Variants in SCGB2B2 observed in about 807,000 individuals in gnomAD.
The protein encoded by SCGB2B2 is secretoglobin-like protein.
Under a neutral mutation model 7.6 loss-of-function variants are expected in SCGB2B2, and 11 were observed. The observed-to-expected ratio is 1.45, with a 90% CI of 0.91 to 2.40. SCGB2B2 has a LOEUF of 2.40. Among genes scored for constraint, SCGB2B2 ranks in the 30% most tolerant of loss-of-function variants. SCGB2B2 has a pLI of 0.00. For missense variants in SCGB2B2, 104 were observed against 115.4 expected (o/e 0.90, Z 0.45); for synonymous variants, 50 against 48.6 (o/e 1.03, Z -0.12).
intron 1 of SCGB2B2, chr19:34,638,050 A>T (rs1439057635): frequency 6.6e-6 from 1 of 152,254 alleles, no homozygotes; most frequent in African/African-American, 2.4e-5. Flanking sequence ...TTGACAAGTT[A>T]TAAAGTAGTT....
intron 1 of SCGB2B2, among the ~76,000 whole-genome samples, chr19:34,670,464 C>T (rs1047806986): frequency 2.6e-5 from 4 of 152,210 alleles, no homozygotes; most frequent in East Asian, 1.9e-4. Flanking sequence ...TATTTCTCTG[C>T]GATTTTACTT....
intron 1 of SCGB2B2, among the ~76,000 whole-genome samples, chr19:34,650,989 T>A (rs2067148625): frequency 6.6e-6 from 1 of 151,218 alleles, no homozygotes; most frequent in South Asian, 2.1e-4. Flanking sequence ...ACCAACAGAA[T>A]GAGTACAAGA....
At chr19:34,641,211 T>TA (rs2066830892) in intron 1 of SCGB2B2, among the ~76,000 whole-genome samples, 2 of 152,048 alleles carry the variant, frequency 1.3e-5, no homozygotes, top group African/African-American at 2.4e-5. Context: ...GGTCTCTTGG[T>TA]ATTATTTTCT....
At chr19:34,645,181 C>A (rs2066962735) in intron 1 of SCGB2B2, among the ~76,000 whole-genome samples, 1 of 152,160 alleles carries the variant, frequency 6.6e-6, no homozygotes, top group Admixed American at 6.5e-5. Context: ...GACAAACTCA[C>A]TTAGCAAATG....
chr19:34,618,006 G>A (rs1333691143), intron 1 of SCGB2B2, among the ~76,000 whole-genome samples: 1 of 152,210 alleles, frequency 6.6e-6, no homozygotes, highest in Non-Finnish European at 1.5e-5. Context: ...CACGGTGCGT[G>A]CACCCACTGA....
intron 1 of SCGB2B2, among the ~76,000 whole-genome samples, chr19:34,668,033 C>T (rs1478140524): frequency 2.0e-5 from 3 of 152,148 alleles, no homozygotes. Context: ...AGCATGCTGG[C>T]GGCCCTCGCA....
intron 1 of SCGB2B2, among the ~76,000 whole-genome samples, chr19:34,658,813 C>CAAAAA (rs138363297): frequency 1.5e-4 from 15 of 101,982 alleles, no homozygotes; most frequent in African/African-American, 6.3e-4. Context: ...ACAACAACAA[C>CAAAAA]AAAAAAAAAA....
rs569245954 is a variant in SCGB2B2 at position 34,625,628 on chromosome 19, G to A, written c.-2031-29034C>T. On this transcript the variant is annotated intron_variant, in intron 1 of 3. Coordinates refer to ENST00000601241, the MANE Select transcript of SCGB2B2 (RefSeq NM_001025591.4). Reference sequence around the variant, plus strand: ...GGTAAACAAAGCAGCCAGGAAGCTCGAACTGGGTGGAGCCCAACACAGCTC... The same window carrying A: ...GGTAAACAAAGCAGCCAGGAAGCTCAAACTGGGTGGAGCCCAACACAGCTC... 2.8e-4 allele frequency among the ~76,000 whole-genome samples: 43 copies of A among 152,318 alleles called. 1 individual carries two copies. Among genetic ancestry groups the A allele is most frequent in the Non-Finnish European group, 4.4e-5 (3 of 68,028 alleles).
intron 1 of SCGB2B2, among the ~76,000 whole-genome samples, chr19:34,614,574 G>A (rs937557251): frequency 6.6e-6 from 1 of 152,108 alleles, no homozygotes; most frequent in Non-Finnish European, 1.5e-5. Flanking sequence ...CTTAAGATTA[G>A]TAGTTTGAAT....
downstream of SCGB2B2, among the ~76,000 whole-genome samples, chr19:34,590,365 CCATCCATCCATCCGTT>C (rs1394273395): frequency 6.9e-6 from 1 of 144,752 alleles, no homozygotes; most frequent in Non-Finnish European, 1.5e-5. Context: ...ATCCATCCAT[CCATCCATCCATCCGTT>C]CATCCATCCA....
intron 1 of SCGB2B2, among the ~76,000 whole-genome samples, chr19:34,665,166 C>T (rs909000818): frequency 2.6e-5 from 4 of 152,304 alleles, no homozygotes; most frequent in Non-Finnish European, 4.4e-5. Context: ...GCAGGCCTTG[C>T]GTCCCTCCTG....
chr19:34,609,458 A>T (rs529552411), intron 1 of SCGB2B2, among the ~76,000 whole-genome samples: 28 of 152,122 alleles, frequency 1.8e-4, no homozygotes, highest in African/African-American at 6.7e-4. Context: ...TTTCTGCTCT[A>T]AGTCTTTAAG....
intron 1 of SCGB2B2, among the ~76,000 whole-genome samples, chr19:34,627,016 T>C (rs2066396827): frequency 6.6e-6 from 1 of 152,174 alleles, no homozygotes; most frequent in Non-Finnish European, 1.5e-5. Flanking sequence ...CTAACCTTCA[T>C]ACGTGAAGGA....
intron 1 of SCGB2B2, among the ~76,000 whole-genome samples, chr19:34,622,920 T>G (rs1600052936): frequency 4.7e-4 from 2 of 4,212 alleles, no homozygotes; most frequent in East Asian, 4.6e-3. Context: ...TCATCTAGGT[T>G]TTTTTTTTTT....
At chr19:34,655,653 C>T (rs368795286) in intron 1 of SCGB2B2, among the ~76,000 whole-genome samples, 1 of 151,264 alleles carries the variant, frequency 6.6e-6, no homozygotes, top group Admixed American at 6.6e-5. Context: ...AGATCCTTAG[C>T]CTTCGAAAAA....
intron 1 of SCGB2B2, among the ~76,000 whole-genome samples, chr19:34,619,906 G>A (rs2145889657): frequency 6.6e-6 from 1 of 152,100 alleles, no homozygotes; most frequent in East Asian, 1.9e-4. Context: ...AACTGCACAG[G>A]GCTTTAAAGG....
chr19:34,606,855 G>T (rs1272757584), intron 1 of SCGB2B2, among the ~76,000 whole-genome samples: 1 of 151,806 alleles, frequency 6.6e-6, no homozygotes, highest in Non-Finnish European at 1.5e-5. Context: ...ACAAGGTTCA[G>T]TACTATGCAT....
In SCGB2B2 at chr19:34,647,074, TGGC is replaced by T. The variant is rs1223328802; in HGVS notation, c.-2032+28553_-2032+28555del. On this transcript the variant is annotated intron_variant, in intron 1 of 3. Transcript: ENST00000601241. ...TGGAGGCTGGGAAACCTTGCCCTCC[TGGC>T]TGAGTCACAGGCCTCAGCGTCCCCA... is the stretch of plus-strand genomic sequence containing the variant. Among the ~76,000 whole-genome samples the T allele has an allele frequency of 1.3e-4, 20 of 151,516 alleles. No homozygotes were observed. The East Asian group carries it at 3.9e-3, about 30-fold the overall frequency.
chr19:34,598,068 A>AGCG (rs2065513024), intron 1 of SCGB2B2, among the ~76,000 whole-genome samples: 1 of 152,058 alleles, frequency 6.6e-6, no homozygotes, highest in Non-Finnish European at 1.5e-5. Flanking sequence ...CAGAGGGGTC[A>AGCG]GCGGGGGCTG....
Sources: gnomAD v4.1 joint callset for allele counts (sites outside exome capture counted in the v4.1 genomes callset) on GRCh38, gnomAD v4.1.1 for gene constraint, MANE v1.5 for transcripts, NCBI Gene and HGNC (gene_info 2026-07-23, HGNC 2026-07-21) for gene names.